CERT1: variants seen among roughly 807,000 people sequenced by gnomAD.
CERT1 encodes ceramide transfer protein.
CERT1 carries 31 observed loss-of-function variants against 87.9 expected under a neutral mutation model. The observed-to-expected ratio is 0.35, with a 90% CI of 0.27 to 0.48. CERT1 has a LOEUF of 0.48. CERT1 is among the 20% of genes least tolerant of loss of function. CERT1 has a pLI of 0.99. For missense variants in CERT1, 487 were observed against 758.0 expected (o/e 0.64, Z 4.20); for synonymous variants, 289 against 250.9 (o/e 1.15, Z -1.44).
chr5:75,427,159 A>G (rs1763652659), intron 3 of CERT1, among the ~76,000 whole-genome samples: 1 of 152,236 alleles, frequency 6.6e-6, no homozygotes. Flanking sequence ...TACTCTTCAG[A>G]GCATAAATTT....
chr5:75,502,732 A>AT (rs1208627118), intron 2 of CERT1, among the ~76,000 whole-genome samples: 2 of 152,136 alleles, frequency 1.3e-5, no homozygotes, highest in Non-Finnish European at 2.9e-5. Flanking sequence ...AATGCCACAA[A>AT]TTATATTTTT....
intron 10 of CERT1, 53 bp from the exon 11 acceptor site, chr5:75,399,440 G>T (rs2112078737): frequency 7.6e-7 from 1 of 1,323,708 alleles, no homozygotes; most frequent in South Asian, 1.2e-5. Flanking sequence ...AGGCACAACA[G>T]AGCATTCAGT....
intron 3 of CERT1, among the ~76,000 whole-genome samples, chr5:75,439,078 A>AAT (rs1409209135): frequency 1.3e-5 from 2 of 151,884 alleles, no homozygotes; most frequent in East Asian, 3.8e-4. Context: ...GACTAAATCC[A>AAT]ATATATATAT....
downstream of CERT1, chr5:75,373,603 C>A (rs2111953280): frequency 6.6e-6 from 1 of 152,462 alleles, no homozygotes; most frequent in African/African-American, 2.4e-5. Flanking sequence ...TGACAGCCCT[C>A]AGTTATTAAG....
At chr5:75,413,034 A>C (rs1762993934) in intron 7 of CERT1, among the ~76,000 whole-genome samples, 1 of 152,192 alleles carries the variant, frequency 6.6e-6, no homozygotes. Context: ...GCAGCACAAA[A>C]ATATTTTCTT....
chr5:75,480,116 G>A (rs910595288), intron 2 of CERT1, among the ~76,000 whole-genome samples: 1 of 152,072 alleles, frequency 6.6e-6, no homozygotes, highest in Admixed American at 6.6e-5. Flanking sequence ...CCCTTTGCTG[G>A]ATTCTTGAAA....
chr5:75,417,170 T>C (rs879063056), intron 6 of CERT1, 137 bp from the exon 7 acceptor site: 3 of 629,200 alleles, frequency 4.8e-6, no homozygotes, highest in African/African-American at 1.9e-5. Flanking sequence ...TAGGCCAACA[T>C]TTAAAAATCT....
At chr5:75,406,985 TTAAG>T (rs1762731534) in intron 8 of CERT1, among the ~76,000 whole-genome samples, 2 of 151,858 alleles carry the variant, frequency 1.3e-5, no homozygotes, top group African/African-American at 4.9e-5. Flanking sequence ...ATAGTTTGAA[TTAAG>T]TGTCTAAAAC....
chr5:75,511,280 G>C lies in CERT1; in HGVS notation c.-73C>G. ...CGCCGGAGGAGGCGCCCAGTCCTCG[G>C]GGTGAAGGGTCGGGGGATGGCGAAG... On this transcript the variant is annotated 5_prime_UTR_variant, in exon 1 of 17. Coordinates refer to ENST00000643780, the MANE Select transcript of CERT1 (RefSeq NM_001379029.1). The C allele has an allele frequency of 6.3e-7, 1 of 1,581,210 alleles. No homozygotes were observed. The highest frequency in any genetic ancestry group is 8.6e-7 in the Non-Finnish European group (1 of 1,163,704).
intron 1 of CERT1, among the ~76,000 whole-genome samples, chr5:75,506,450 C>T (rs1043904760): frequency 6.6e-6 from 1 of 152,098 alleles, no homozygotes; most frequent in East Asian, 1.9e-4. Context: ...CTCCTAAGTA[C>T]CTTCATGATA....
chr5:75,462,945 T>C (rs1280647680), intron 2 of CERT1, among the ~76,000 whole-genome samples: 1 of 131,656 alleles, frequency 7.6e-6, no homozygotes, highest in Non-Finnish European at 1.5e-5. Context: ...TGAACCAAGA[T>C]GGCGCTACTG....
At chr5:75,405,003 A>G (rs923173594) in intron 8 of CERT1, among the ~76,000 whole-genome samples, 1 of 151,820 alleles carries the variant, frequency 6.6e-6, no homozygotes, top group African/African-American at 2.4e-5. Context: ...GTGGTAGAGC[A>G]AGACTCAGTC....
intron 3 of CERT1, among the ~76,000 whole-genome samples, chr5:75,455,155 G>A (rs1454168304): frequency 6.6e-6 from 1 of 152,160 alleles, no homozygotes; most frequent in Non-Finnish European, 1.5e-5. Flanking sequence ...AACAGAAAGG[G>A]CCCAATTCTT....
chr5:75,374,732 AAGG>A (rs1481247271), downstream of CERT1: 7 of 581,574 alleles, frequency 1.2e-5, no homozygotes, highest in African/African-American at 9.3e-5. Flanking sequence ...CGATCTCATG[AAGG>A]AGAAGGATCG....
In CERT1 at chr5:75,511,471, C is replaced by A; in HGVS notation, c.-264G>T. On this transcript the variant is annotated 5_prime_UTR_variant, in exon 1 of 17. Coordinates refer to ENST00000643780, the MANE Select transcript of CERT1 (RefSeq NM_001379029.1). ...GCCGCCGCCGTCGCCGTGACCCCTG[C>A]GTTGCGCCCGGCGCTGCCACCCGAA... is the stretch of plus-strand genomic sequence containing the variant. 6.6e-7 allele frequency: 1 copy of A among 1,511,854 alleles called. No individual in the cohort carries two copies. The highest frequency in any genetic ancestry group is 8.8e-7 in the Non-Finnish European group (1 of 1,130,346). The allele number at this position is 1,511,854 out of a possible 1,614,324, so 93.7% of individuals were successfully genotyped here.
chr5:75,379,379 T>C lies in CERT1; in HGVS notation c.1842A>G (p.Gln614=). 6.2e-7 allele frequency: 1 copy of C among 1,613,874 alleles called. No individual in the cohort carries two copies. The highest frequency in any genetic ancestry group is 8.5e-7 in the Non-Finnish European group (1 of 1,179,820). The change falls in exon 17 of 17, where the codon CAA becomes CAG. Residue 614 remains glutamine (Q), a synonymous_variant. Coordinates refer to ENST00000643780, the MANE Select transcript of CERT1 (RefSeq NM_001379029.1). ...AAATAGGCTTTCCTGCAGTTTTTTC[T>C]TGGACGTAAGAAGTAAAACGTTTTA... ...KFLKRFTSYV[Q]EKTAGKPILF is the part of the protein sequence containing the mutation.
chr5:75,501,790 T>A (rs563229001), intron 2 of CERT1, among the ~76,000 whole-genome samples: 1 of 152,248 alleles, frequency 6.6e-6, no homozygotes, highest in Non-Finnish European at 1.5e-5. Context: ...ATTAGTCATG[T>A]GGAAAAAAAA....
At chr5:75,471,892 A>C (rs1765728716) in intron 2 of CERT1, among the ~76,000 whole-genome samples, 1 of 152,180 alleles carries the variant, frequency 6.6e-6, no homozygotes, top group African/African-American at 2.4e-5. Context: ...TTAAGATACC[A>C]ATGACATTTT....
chr5:75,427,653 G>A (rs540030430), intron 3 of CERT1, among the ~76,000 whole-genome samples: 1 of 152,142 alleles, frequency 6.6e-6, no homozygotes, highest in African/African-American at 2.4e-5. Flanking sequence ...CAAGGCATCT[G>A]TATTATATCC....
Sources: allele counts gnomAD v4.1 joint callset (sites outside exome capture counted in the v4.1 genomes callset), GRCh38; gene constraint gnomAD v4.1.1; transcripts MANE v1.5; gene names NCBI Gene and HGNC (gene_info 2026-07-23, HGNC 2026-07-21).